The following STAG1 variants were observed in gnomAD, a reference collection of about 807,000 sequenced individuals.
STAG1 encodes the protein STAG1 cohesin complex component.
A neutral mutation model predicts 170.9 loss-of-function variants in STAG1; 26 were observed. The ratio of observed to expected loss-of-function variants is 0.15; its 90% CI spans 0.11 to 0.21. The LOEUF (loss-of-function observed/expected upper bound fraction) is 0.21. Among genes scored for constraint, STAG1 ranks in the 10% least tolerant of loss-of-function variants. The pLI, the probability that STAG1 is intolerant of heterozygous loss-of-function variation, is 1.00. For synonymous variants in STAG1, 514 were observed against 497.7 expected, an observed-to-expected ratio of 1.03 and a Z score of -0.44; for missense variants, 964 against 1,509.5, an observed-to-expected ratio of 0.64 and a Z score of 5.99.
intron 30 of STAG1, among the ~76,000 whole-genome samples, chr3:136,343,020 G>A (rs780374228): frequency 6.6e-6 from 1 of 152,182 alleles, no homozygotes; most frequent in Non-Finnish European, 1.5e-5. Context: ...ATCCCTTAGA[G>A]CAAAGGGATC....
intron 1 of STAG1, among the ~76,000 whole-genome samples, chr3:136,658,189 C>A (rs1941458718): frequency 6.7e-6 from 1 of 148,598 alleles, no homozygotes; most frequent in Non-Finnish European, 1.5e-5. Context: ...GGTCCTGTAT[C>A]TTCCACCCAA....
intron 1 of STAG1, among the ~76,000 whole-genome samples, chr3:136,730,771 T>A (rs1240333439): frequency 6.6e-6 from 1 of 152,222 alleles, no homozygotes; most frequent in Non-Finnish European, 1.5e-5. Flanking sequence ...ACTCTGCTCA[T>A]GACTTACAGC....
chr3:136,453,323 G>A (rs920799729), intron 13 of STAG1, among the ~76,000 whole-genome samples: 5 of 152,100 alleles, frequency 3.3e-5, no homozygotes, highest in Non-Finnish European at 7.4e-5. Flanking sequence ...CGGGCACGGT[G>A]GCTCACGCCT....
intron 1 of STAG1, among the ~76,000 whole-genome samples, chr3:136,650,409 T>G (rs985533282): frequency 6.6e-6 from 1 of 152,190 alleles, no homozygotes; most frequent in Admixed American, 6.5e-5. Flanking sequence ...ACAGTGAAAT[T>G]AAGGGCAACT....
chr3:136,647,934 AATT>A (rs1941087723), intron 1 of STAG1, among the ~76,000 whole-genome samples: 1 of 152,210 alleles, frequency 6.6e-6, no homozygotes, highest in African/African-American at 2.4e-5. Context: ...GATATTAAGA[AATT>A]ATTGTTGATG....
intron 16 of STAG1, among the ~76,000 whole-genome samples, chr3:136,424,565 G>GC (rs1288721827): frequency 6.6e-6 from 1 of 151,860 alleles, no homozygotes; most frequent in African/African-American, 2.4e-5. Context: ...ACTCCTGACC[G>GC]CAAGTGATCC....
At chr3:136,614,981 T>C (rs1043104759) in intron 3 of STAG1, among the ~76,000 whole-genome samples, 3 of 152,162 alleles carry the variant, frequency 2.0e-5, no homozygotes, top group Admixed American at 6.5e-5. Flanking sequence ...TAATAAACTA[T>C]AGTATACAAA....
chr3:136,486,682 G>A (rs973127735), intron 9 of STAG1, among the ~76,000 whole-genome samples: 2 of 152,064 alleles, frequency 1.3e-5, no homozygotes, highest in African/African-American at 4.8e-5. Context: ...TGACTACTCA[G>A]TATGGTAACT....
intron 1 of STAG1, among the ~76,000 whole-genome samples, chr3:136,712,159 A>G (rs1943400847): frequency 6.6e-6 from 1 of 152,174 alleles, no homozygotes; most frequent in Non-Finnish European, 1.5e-5. Context: ...CTGGGATTAC[A>G]GGCGCACGCC....
chr3:136,439,389 G>GACACAGACAC (rs1553721539), intron 15 of STAG1, among the ~76,000 whole-genome samples: 1 of 95,834 alleles, frequency 1.0e-5, no homozygotes, highest in East Asian at 2.6e-4. Context: ...AACACCCCCC[G>GACACAGACAC]ACACACACAC....
At chr3:136,502,564 A>G in intron 8 of STAG1, 64 bp downstream of exon 8, 1 of 1,516,964 alleles carries the variant, frequency 6.6e-7, no homozygotes. Flanking sequence ...CTTAAAAAGT[A>G]CTAATGTCAT....
Position 136,357,700 on chromosome 3 carries a change from T to C in STAG1, c.3065+20A>G, listed in dbSNP as rs1457682068. 7.7e-6 allele frequency: 12 copies of C among 1,566,848 alleles called. No homozygotes were observed. Among genetic ancestry groups the C allele is most frequent in the Admixed American group, 4.5e-5 (2 of 44,648 alleles). ...ACAGTATTATTATAAAAACCACTTCTCTTGTAATGTGCAACTTACACTGTC... is the reference window on the plus strand; with the variant it reads ...ACAGTATTATTATAAAAACCACTTCCCTTGTAATGTGCAACTTACACTGTC... On this transcript the variant is annotated intron_variant, in intron 28 of 33. Coordinates refer to ENST00000383202, the MANE Select transcript of STAG1 (RefSeq NM_005862.3).
At chr3:136,525,249 A>G (rs926831564) in intron 6 of STAG1, among the ~76,000 whole-genome samples, 9 of 152,226 alleles carry the variant, frequency 5.9e-5, no homozygotes, top group Admixed American at 2.0e-4. Context: ...TTGGTAGGCT[A>G]TTAATTAGTG....
intron 6 of STAG1, among the ~76,000 whole-genome samples, chr3:136,540,845 A>AAAAAAAAAAC (rs1935858874): frequency 6.9e-6 from 1 of 144,086 alleles, no homozygotes; most frequent in East Asian, 1.9e-4. Flanking sequence ...AAAAAAAAAA[A>AAAAAAAAAAC]AAAAAAACCT....
At chr3:136,650,276 T>C (rs558099452) in intron 1 of STAG1, among the ~76,000 whole-genome samples, 60 of 149,590 alleles carry the variant, frequency 4.0e-4, no homozygotes, top group Admixed American at 3.2e-3. Flanking sequence ...AAAATAATAA[T>C]AGAAATAAAT....
chr3:136,511,053 T>C (rs888577850), intron 7 of STAG1, among the ~76,000 whole-genome samples: 1 of 152,214 alleles, frequency 6.6e-6, no homozygotes, highest in Non-Finnish European at 1.5e-5. Context: ...ATTACAGGCA[T>C]GAGCCACTGC....
At chr3:136,640,656 A>G (rs1194104424) in intron 1 of STAG1, among the ~76,000 whole-genome samples, 1 of 147,274 alleles carries the variant, frequency 6.8e-6, no homozygotes, top group Non-Finnish European at 1.5e-5. Flanking sequence ...GGCATGAGCC[A>G]CCGCACCTGG....
intron 10 of STAG1, 111 bp from the exon 11 acceptor site, chr3:136,473,748 T>G (rs1462671087): frequency 6.9e-6 from 5 of 724,194 alleles, no homozygotes; most frequent in Non-Finnish European, 4.8e-6. Context: ...CTGCATATTG[T>G]AATTCAACAT....
intron 5 of STAG1, among the ~76,000 whole-genome samples, chr3:136,545,111 C>T (rs1372747276): frequency 1.3e-5 from 2 of 151,974 alleles, no homozygotes; most frequent in Non-Finnish European, 2.9e-5. Flanking sequence ...TGCAATGGCG[C>T]GATCTCAGCT....
Sources: gnomAD v4.1 joint callset for allele counts (sites outside exome capture counted in the v4.1 genomes callset) on GRCh38, gnomAD v4.1.1 for gene constraint, MANE v1.5 for transcripts, NCBI Gene and HGNC (gene_info 2026-07-23, HGNC 2026-07-21) for gene names.